Variants in SRBD1 observed in about 807,000 individuals in gnomAD.
SRBD1 encodes S1 RNA binding domain 1, also known as S1 RNA-binding domain-containing protein 1.
SRBD1 carries 88 observed loss-of-function variants against 115.3 expected under a neutral mutation model. The observed-to-expected ratio is 0.76, with a 90% CI of 0.64 to 0.91. SRBD1 has a LOEUF of 0.91. Ranked by LOEUF, SRBD1 falls within the 40% of genes least tolerant of loss-of-function variation. SRBD1 has a pLI of 0.00. For missense variants in SRBD1, 1,385 were observed against 1,177.4 expected (o/e 1.18, Z -2.58); for synonymous variants, 509 against 407.7 (o/e 1.25, Z -2.99).
intron 18 of SRBD1, among the ~76,000 whole-genome samples, chr2:45,414,783 CACAT>C (rs1223667932): frequency 6.8e-5 from 9 of 131,814 alleles, no homozygotes; most frequent in African/African-American, 2.1e-4. Context: ...TGTACACACA[CACAT>C]AGTGTGTATA....
At chr2:45,478,526 C>T (rs1314914575) in intron 15 of SRBD1, among the ~76,000 whole-genome samples, 4 of 152,162 alleles carry the variant, frequency 2.6e-5, no homozygotes, top group African/African-American at 9.7e-5. Context: ...ACGGGGATTC[C>T]AAGGCCTTCA....
chr2:45,538,552 A>T (rs1381849041), intron 14 of SRBD1, among the ~76,000 whole-genome samples: 1 of 152,236 alleles, frequency 6.6e-6, no homozygotes, highest in East Asian at 1.9e-4. Flanking sequence ...ACTACAGAAG[A>T]TATTTCAACT....
chr2:45,455,703 A>G (rs1669131022), intron 16 of SRBD1, among the ~76,000 whole-genome samples: 1 of 151,868 alleles, frequency 6.6e-6, no homozygotes, highest in Non-Finnish European at 1.5e-5. Context: ...AGTTAGTTAA[A>G]TCCTGCGAGT....
At chr2:45,571,073 A>G (rs1207013616) in intron 9 of SRBD1, among the ~76,000 whole-genome samples, 2 of 152,108 alleles carry the variant, frequency 1.3e-5, no homozygotes, top group Non-Finnish European at 2.9e-5. Context: ...GGCTAGGTGT[A>G]TGCTCTGAAA....
rs1319610657 is a variant in SRBD1, at chr2:45,601,894, A to G, written c.261+9T>C. The G allele has an allele frequency of 2.5e-6, 4 of 1,613,790 alleles. No homozygotes were observed. The African/African-American group carries it at 4.0e-5, about 16-fold the overall frequency. ...TACAGAGTTCCCTCTATCCAGCTGT[A>G]GCACCTACCAGCTCCTCCTTAACAA... is the stretch of plus-strand genomic sequence containing the variant. On this transcript the variant is annotated intron_variant, in intron 3 of 20. Coordinates refer to ENST00000263736, the MANE Select transcript of SRBD1 (RefSeq NM_018079.5).
chr2:45,574,499 A>G, intron 8 of SRBD1, 128 bp downstream of exon 8: 1 of 747,596 alleles, frequency 1.3e-6, no homozygotes, highest in South Asian at 2.0e-5. Context: ...GTTTGAACAA[A>G]GAGTTTTGCT....
intron 5 of SRBD1, among the ~76,000 whole-genome samples, chr2:45,583,626 A>AT: frequency 6.6e-6 from 1 of 152,118 alleles, no homozygotes; most frequent in Non-Finnish European, 1.5e-5. Flanking sequence ...TCACTATTTC[A>AT]TTTTTTAAGT....
rs551045637 is a variant in SRBD1 at position 45,571,156 on chromosome 2, C to T, written c.1305+2051G>A. 2.3e-3 allele frequency among the ~76,000 whole-genome samples: 356 copies of T among 152,208 alleles called. 2 individuals are homozygous for T. Among genetic ancestry groups the T allele is most frequent in the Non-Finnish European group, 4.0e-3 (272 of 68,018 alleles). On this transcript the variant is annotated intron_variant, in intron 9 of 20. Coordinates refer to ENST00000263736, the MANE Select transcript of SRBD1 (RefSeq NM_018079.5). ...CCATGCAAACAGGAAGAAAAGGCTA[C>T]GGCAGAGCTGTTAATGGCCTCACTA...
chr2:45,547,498 T>C, intron 13 of SRBD1, 24 bp downstream of exon 13: 1 of 1,605,024 alleles, frequency 6.2e-7, no homozygotes, highest in East Asian at 2.2e-5. Flanking sequence ...ACTGATATAT[T>C]CAAAAGATTA....
rs146417517 is a variant in SRBD1 at position 45,462,394 on chromosome 2, A to G, written c.2049+14599T>C. Among the ~76,000 whole-genome samples, 80 of 152,312 alleles carry G rather than the reference A, an allele frequency of 5.3e-4. 1 individual carries two copies. The East Asian group carries it at 0.015, about 29-fold the overall frequency. The stretch of plus-strand genomic sequence containing the variant: ...AAGTCTTTGCAAGTTCCCTTCCAAC[A>G]AAACCTAACTGCATTCATACCCTCT... On this transcript the variant is annotated intron_variant, in intron 16 of 20. Coordinates refer to ENST00000263736, the MANE Select transcript of SRBD1 (RefSeq NM_018079.5).
chr2:45,555,700 G>A (rs966056909), intron 10 of SRBD1, among the ~76,000 whole-genome samples: 1 of 151,948 alleles, frequency 6.6e-6, no homozygotes, highest in African/African-American at 2.4e-5. Flanking sequence ...CACTGTATTA[G>A]CCAGGATGGT....
chr2:45,481,541 C>T (rs1669963783), intron 15 of SRBD1, among the ~76,000 whole-genome samples: 1 of 151,952 alleles, frequency 6.6e-6, no homozygotes, highest in South Asian at 2.1e-4. Context: ...ACGAGGACAG[C>T]AAAGTAATAG....
chr2:45,581,891 G>A (rs1191065210), intron 5 of SRBD1, 81 bp from the exon 6 acceptor site: 17 of 1,142,838 alleles, frequency 1.5e-5, no homozygotes, highest in Non-Finnish European at 2.2e-5. Context: ...TTACAGAAAA[G>A]TTGCAGGTAA....
At chr2:45,536,379 C>CTCTAATAGGTAG (rs1314054476) in intron 14 of SRBD1, among the ~76,000 whole-genome samples, 1 of 151,800 alleles carries the variant, frequency 6.6e-6, no homozygotes, top group East Asian at 1.9e-4. Flanking sequence ...TTCTGACATA[C>CTCTAATAGGTAG]TCTAATAGGT....
intron 19 of SRBD1, among the ~76,000 whole-genome samples, chr2:45,404,490 T>A (rs1667374372): frequency 6.6e-6 from 1 of 152,134 alleles, no homozygotes; most frequent in East Asian, 1.9e-4. Context: ...GTATTCATAT[T>A]ATTTTTGCCA....
intron 16 of SRBD1, among the ~76,000 whole-genome samples, chr2:45,429,324 C>A (rs896995367): frequency 6.6e-6 from 1 of 152,056 alleles, no homozygotes; most frequent in Non-Finnish European, 1.5e-5. Flanking sequence ...GATACCAAAA[C>A]CTGGCAGAAA....
chr2:45,448,275 T>C (rs1386999056), intron 16 of SRBD1, among the ~76,000 whole-genome samples: 1 of 152,078 alleles, frequency 6.6e-6, no homozygotes, highest in East Asian at 1.9e-4. Flanking sequence ...ATGGGGAAAA[T>C]AACAGCACCT....
chr2:45,469,308 A>G (rs905747581), intron 16 of SRBD1, among the ~76,000 whole-genome samples: 4 of 152,192 alleles, frequency 2.6e-5, no homozygotes, highest in African/African-American at 9.7e-5. Context: ...AAAGTAACTT[A>G]AAGTTTTAGA....
At chr2:45,538,173 T>G (rs1444494749) in intron 14 of SRBD1, among the ~76,000 whole-genome samples, 2 of 152,184 alleles carry the variant, frequency 1.3e-5, no homozygotes, top group African/African-American at 4.8e-5. Flanking sequence ...CATCACAGCT[T>G]CCTTGCAAGG....
Sources: gnomAD v4.1 joint callset for allele counts (sites outside exome capture counted in the v4.1 genomes callset) on GRCh38, gnomAD v4.1.1 for gene constraint, MANE v1.5 for transcripts, NCBI Gene and HGNC (gene_info 2026-07-23, HGNC 2026-07-21) for gene names.